MAPK14: variants seen among roughly 807,000 people sequenced by gnomAD.
The protein encoded by MAPK14 is mitogen-activated protein kinase 14.
Under a neutral mutation model 49.6 loss-of-function variants are expected in MAPK14, and 16 were observed. The observed-to-expected ratio is 0.32, with a 90% CI of 0.22 to 0.49. The LOEUF (loss-of-function observed/expected upper bound fraction) is 0.49, where lower values mean the gene tolerates loss of function less well. Among genes scored for constraint, MAPK14 ranks in the 20% least tolerant of loss-of-function variants. The pLI is 0.99. For missense variants in MAPK14, 200 were observed against 441.2 expected (o/e 0.45, Z 4.90); for synonymous variants, 142 against 158.0 (o/e 0.90, Z 0.76).
intron 1 of MAPK14, among the ~76,000 whole-genome samples, chr6:36,030,550 G>C (rs937998821): frequency 3.3e-5 from 5 of 151,920 alleles, no homozygotes; most frequent in African/African-American, 9.7e-5. Context: ...AGCCGCCCGT[G>C]GTGGCGGGCG....
intron 8 of MAPK14, among the ~76,000 whole-genome samples, chr6:36,094,791 C>A (rs1765382516): frequency 6.6e-6 from 1 of 151,998 alleles, no homozygotes; most frequent in Non-Finnish European, 1.5e-5. Flanking sequence ...AGACAGTAAG[C>A]AAATAAAGTA....
chr6:36,092,564 G>T, intron 8 of MAPK14: 2 of 479,528 alleles, frequency 4.2e-6, no homozygotes, highest in South Asian at 3.4e-5. Flanking sequence ...TTTCAAGTTT[G>T]ACCCATTTTC....
chr6:36,047,623 G>T (rs533028119), intron 1 of MAPK14, among the ~76,000 whole-genome samples: 1 of 152,154 alleles, frequency 6.6e-6, no homozygotes, highest in African/African-American at 2.4e-5. Context: ...GAGTGCAGTG[G>T]TGCCATCATG....
At position 36,073,731 on chromosome 6, in the gene MAPK14, T is replaced by C; in HGVS notation, c.447+11T>C. On this transcript the variant is annotated intron_variant, in intron 5 of 11. Transcript: ENST00000229794. Reference sequence around the variant, plus strand: ...GACATAATTCACAGGGTATGTATTGTGACTTTGATTACATTATTTTGGGGA... The same window carrying C: ...GACATAATTCACAGGGTATGTATTGCGACTTTGATTACATTATTTTGGGGA... 1.2e-6 allele frequency: 2 copies of C among 1,611,324 alleles called. No homozygotes were observed. The highest frequency in any genetic ancestry group is 1.7e-6 in the Non-Finnish European group (2 of 1,178,756).
chr6:36,040,336 C>T (rs933655876), intron 1 of MAPK14, among the ~76,000 whole-genome samples: 1 of 152,032 alleles, frequency 6.6e-6, no homozygotes, highest in African/African-American at 2.4e-5. Flanking sequence ...GGCAAAATCA[C>T]CTTTAGTTGA....
chr6:36,089,433 C>T lies in MAPK14; in HGVS notation c.683-6554C>T, dbSNP rs555248434. Among the ~76,000 whole-genome samples the T allele has an allele frequency of 7.2e-5, 11 of 152,202 alleles. No homozygotes were observed. In the East Asian group the frequency reaches 1.5e-3, roughly 21 times the overall value. On this transcript the variant is annotated intron_variant, in intron 8 of 11. Coordinates refer to ENST00000229794, the MANE Select transcript of MAPK14 (RefSeq NM_139012.3). ...CATCAGGATAAATAGCTAAGGCATGCGGGGCTTAACACCTAGGTGATGGAT... is the reference window on the plus strand; with the variant it reads ...CATCAGGATAAATAGCTAAGGCATGTGGGGCTTAACACCTAGGTGATGGAT...
chr6:36,095,648 A>C (rs576164185), intron 8 of MAPK14, among the ~76,000 whole-genome samples: 1 of 152,364 alleles, frequency 6.6e-6, no homozygotes. Context: ...GTGTAAACTG[A>C]GTGAAGCTCT....
At chr6:36,083,423 T>C (rs76171341) in intron 8 of MAPK14, among the ~76,000 whole-genome samples, 21,755 of 152,124 alleles carry the variant, frequency 0.14, 1,911 homozygotes, top group African/African-American at 0.26. Flanking sequence ...TTGGTAGCCC[T>C]TTGGCTGGAG....
chr6:36,038,489 G>A (rs1340661177), intron 1 of MAPK14, among the ~76,000 whole-genome samples: 3 of 152,122 alleles, frequency 2.0e-5, no homozygotes, highest in Non-Finnish European at 2.9e-5. Flanking sequence ...AGCCTTGGAG[G>A]GTTATGACCA....
At chr6:36,043,118 C>T (rs1341759044) in intron 1 of MAPK14, among the ~76,000 whole-genome samples, 5 of 147,058 alleles carry the variant, frequency 3.4e-5, no homozygotes, top group Non-Finnish European at 7.4e-5. Context: ...AGCAAGACCC[C>T]GTCTCAAAAA....
chr6:36,113,819 G>A (rs1270374333), downstream of MAPK14, among the ~76,000 whole-genome samples: 1 of 152,156 alleles, frequency 6.6e-6, no homozygotes, highest in African/African-American at 2.4e-5. Flanking sequence ...TCAAATTTCA[G>A]TTTTGCCAGG....
intron 8 of MAPK14, among the ~76,000 whole-genome samples, chr6:36,084,753 C>G (rs1376485500): frequency 6.6e-6 from 1 of 152,168 alleles, no homozygotes; most frequent in Admixed American, 6.5e-5. Flanking sequence ...AAACACACTT[C>G]AGGATATCAG....
rs1762411220 is a variant in MAPK14, at chr6:36,028,713, GA to G, written c.116+442del. Among the ~76,000 whole-genome samples, 1 of 150,996 alleles carries G rather than the reference GA, an allele frequency of 6.6e-6. No individual in the cohort carries two copies. Among genetic ancestry groups the G allele is most frequent in the Admixed American group, 6.6e-5 (1 of 15,126 alleles). ...AGACAAGCTCGGGGAACTGCCGGGA[GA>G]AGCAGAAGGGCACAGCCCAACCCGA... is the stretch of plus-strand genomic sequence containing the variant. On this transcript the variant is annotated intron_variant, in intron 1 of 11. Transcript: ENST00000229794. This position sits in a 1 kb window ranked among gnomAD's most constrained non-coding sequence, Gnocchi z 5.1.
intron 9 of MAPK14, 129 bp from the exon 10 acceptor site, chr6:36,102,442 G>C: frequency 3.1e-6 from 2 of 641,606 alleles, no homozygotes; most frequent in South Asian, 3.5e-5. Context: ...TTCTATCAAA[G>C]ACAGTTAGAA....
At chr6:36,073,069 C>G (rs781650495) in intron 4 of MAPK14, 85 bp downstream of exon 4, 4 of 843,656 alleles carry the variant, frequency 4.7e-6, no homozygotes. Context: ...AAGTAAACAA[C>G]TTTTCTAATG....
chr6:36,042,790 C>T (rs999024308), intron 1 of MAPK14, among the ~76,000 whole-genome samples: 5 of 151,926 alleles, frequency 3.3e-5, no homozygotes, highest in African/African-American at 4.8e-5. Context: ...TGTGAGCCAC[C>T]GCACCTAGCA....
At chr6:36,091,575 G>C (rs928724316) in intron 8 of MAPK14, among the ~76,000 whole-genome samples, 2 of 152,180 alleles carry the variant, frequency 1.3e-5, no homozygotes, top group African/African-American at 4.8e-5. Context: ...GGTCTTAACT[G>C]CCTGGACAAA....
chr6:36,102,933 G>A (rs1765685431), intron 10 of MAPK14, among the ~76,000 whole-genome samples: 1 of 152,190 alleles, frequency 6.6e-6, no homozygotes, highest in Admixed American at 6.5e-5. Flanking sequence ...AAAGATTGGT[G>A]AGGCAGGAAG....
chr6:36,042,209 A>C (rs1366400221), intron 1 of MAPK14, among the ~76,000 whole-genome samples: 1 of 152,178 alleles, frequency 6.6e-6, no homozygotes, highest in Admixed American at 6.5e-5. Context: ...AGTGGGACTT[A>C]GGCAGTTGCA....
Sources: gnomAD v4.1 joint callset for allele counts (sites outside exome capture counted in the v4.1 genomes callset) on GRCh38, gnomAD v4.1.1 for gene constraint, Gnocchi (gnomAD v3.1) non-coding constraint, MANE v1.5 for transcripts, NCBI Gene and HGNC (gene_info 2026-07-23, HGNC 2026-07-21) for gene names.